SLC25A17: variants seen among roughly 807,000 people sequenced by gnomAD.
SLC25A17 encodes peroxisomal membrane protein PMP34.
Under a neutral mutation model 38.5 loss-of-function variants are expected in SLC25A17, and 26 were observed. The ratio of observed to expected loss-of-function variants is 0.68; its 90% CI spans 0.50 to 0.94. SLC25A17 has a LOEUF of 0.94. SLC25A17 is among the 40% of genes least tolerant of loss of function. The pLI, the probability that SLC25A17 is intolerant of heterozygous loss-of-function variation, is 0.00. For missense variants in SLC25A17, 333 were observed against 372.7 expected, an observed-to-expected ratio of 0.89 and a Z score of 0.88; for synonymous variants, 139 against 136.2, an observed-to-expected ratio of 1.02 and a Z score of -0.14.
intron 4 of SLC25A17, 103 bp from the exon 5 acceptor site, chr22:40,779,228 C>G: frequency 6.3e-7 from 1 of 1,579,498 alleles, no homozygotes; most frequent in Non-Finnish European, 8.6e-7. Context: ...ATCTCTGTCA[C>G]TGACCTCTTA....
At chr22:40,775,162 T>C (rs1205673198) in intron 7 of SLC25A17, among the ~76,000 whole-genome samples, 1 of 152,190 alleles carries the variant, frequency 6.6e-6, no homozygotes, top group African/African-American at 2.4e-5. Flanking sequence ...GTGCTGAGGA[T>C]AAAAATCTAC....
chr22:40,773,986 T>C lies in SLC25A17; in HGVS notation c.727A>G (p.Thr243Ala). 6.2e-7 allele frequency: 1 copy of C among 1,613,386 alleles called. No individual in the cohort carries two copies. The highest frequency in any genetic ancestry group is 8.5e-7 in the Non-Finnish European group (1 of 1,179,328). The change falls in exon 8 of 9, where the codon ACA becomes GCA. Residue 243 changes from threonine to alanine, a missense_variant. By Grantham distance (58) the Thr-to-Ala change is moderately conservative. Coordinates refer to ENST00000435456, the MANE Select transcript of SLC25A17 (RefSeq NM_006358.4). ...GRHRLNPENR[T>A]LGSLRNILYL... Reference sequence around the variant, plus strand: ...AGAATATTCCGAAGACTTCCCAATGTTCTGTTTTCTGGGTTTAGTCTATGA... The same window carrying C: ...AGAATATTCCGAAGACTTCCCAATGCTCTGTTTTCTGGGTTTAGTCTATGA...
chr22:40,799,085 T>G lies in SLC25A17; in HGVS notation c.55-2A>C, dbSNP rs199923219. On this transcript the variant is annotated splice_acceptor_variant, in intron 1 of 8. Transcript: ENST00000435456. LOFTEE classifies it high-confidence loss of function. ...CACTGTCATTGCTGTCACGCTTCCCTGAAAAGTTTGAAAAAGGCCATTACA... is the reference window on the plus strand; with the variant it reads ...CACTGTCATTGCTGTCACGCTTCCCGGAAAAGTTTGAAAAAGGCCATTACA... 1.9e-6 allele frequency: 3 copies of G among 1,612,448 alleles called. No homozygotes were observed. The highest frequency in any genetic ancestry group is 3.4e-5 in the Admixed American group (2 of 59,674).
chr22:40,799,038 T>A lies in SLC25A17; in HGVS notation c.100A>T (p.Arg34Ter). 6.2e-7 allele frequency: 1 copy of A among 1,612,930 alleles called. No individual in the cohort carries two copies. Among genetic ancestry groups the A allele is most frequent in the Non-Finnish European group, 8.5e-7 (1 of 1,178,994 alleles). The change falls in exon 2 of 9, where the codon AGA (arginine) becomes TGA (stop). Residue 34 changes from arginine (R) to a stop codon, truncating the protein, a stop_gained. Coordinates refer to ENST00000435456, the MANE Select transcript of SLC25A17 (RefSeq NM_006358.4). LOFTEE classifies it high-confidence loss of function. ...TTCTACTTACCCTGAAGTCGAAGTC[T>A]AGCTGTATCCAGGGGAAAAAACACT... ...MTVFFPLDTARLRLQVDEKRK... is the reference protein window; with the variant it reads ...MTVFFPLDTA
intron 7 of SLC25A17, among the ~76,000 whole-genome samples, chr22:40,774,387 C>T (rs1157464209): frequency 4.6e-5 from 7 of 152,144 alleles, no homozygotes; most frequent in Admixed American, 6.5e-5. Flanking sequence ...CCACGCCCGG[C>T]TAATTTTTGT....
chr22:40,791,550 A>G (rs2071409756), intron 4 of SLC25A17, among the ~76,000 whole-genome samples: 1 of 152,248 alleles, frequency 6.6e-6, no homozygotes, highest in African/African-American at 2.4e-5. Context: ...GAGCAAAAAA[A>G]TGTAATAACC....
chr22:40,798,660 T>TAAAAAAAAAAAAAAAAAAA (rs10640211), intron 2 of SLC25A17, among the ~76,000 whole-genome samples: 1 of 74,378 alleles, frequency 1.3e-5, no homozygotes, highest in Non-Finnish European at 2.5e-5. Flanking sequence ...CACACATACA[T>TAAAAAAAAAAAAAAAAAAA]AAAAAAAAAA....
chr22:40,813,047 A>C (rs1029911892), intron 1 of SLC25A17, among the ~76,000 whole-genome samples: 6 of 152,192 alleles, frequency 3.9e-5, no homozygotes, highest in African/African-American at 1.4e-4. Flanking sequence ...GCTAACTCAT[A>C]CATACACAGA....
Position 40,819,197 on chromosome 22 carries a change from C to A in SLC25A17, c.52G>T (p.Val18Leu), listed in dbSNP as rs780024696. ...ESLVHAVAGA[V>L]GSVTAMTVFF... Reference sequence around the variant, plus strand: ...CGGGCGTAAAGACCCCGTCTCACCACGGCTCCGGCCACGGCGTGGACCAGG... The same window carrying A: ...CGGGCGTAAAGACCCCGTCTCACCAAGGCTCCGGCCACGGCGTGGACCAGG... The change falls in exon 1 of 9, where the codon GTG becomes TTG. Residue 18 changes from valine to leucine, a missense_variant and splice_region_variant. By Grantham distance (32) the Val-to-Leu change is conservative (BLOSUM62 1). Coordinates refer to ENST00000435456, the MANE Select transcript of SLC25A17 (RefSeq NM_006358.4). 3.1e-6 allele frequency: 5 copies of A among 1,613,636 alleles called. No homozygotes were observed. In the African/African-American group the frequency reaches 5.3e-5, roughly 17 times the overall value.
intron 1 of SLC25A17, among the ~76,000 whole-genome samples, chr22:40,816,652 C>A (rs1170328365): frequency 6.7e-6 from 1 of 149,434 alleles, no homozygotes; most frequent in Non-Finnish European, 1.5e-5. Context: ...CTCTTGTCAC[C>A]CAGGCTGGAG....
intron 1 of SLC25A17, among the ~76,000 whole-genome samples, chr22:40,810,120 T>C (rs1027341172): frequency 7.2e-5 from 11 of 152,170 alleles, no homozygotes; most frequent in Non-Finnish European, 1.6e-4. Context: ...TAGGAATGTC[T>C]TTTGTTATAA....
chr22:40,775,857 G>T (rs555310282), intron 7 of SLC25A17, among the ~76,000 whole-genome samples: 1 of 152,170 alleles, frequency 6.6e-6, no homozygotes, highest in African/African-American at 2.4e-5. Flanking sequence ...CACCATGATT[G>T]TAAGTTTCCT....
At chr22:40,814,289 G>T (rs1046389578) in intron 1 of SLC25A17, among the ~76,000 whole-genome samples, 1 of 152,138 alleles carries the variant, frequency 6.6e-6, no homozygotes, top group Non-Finnish European at 1.5e-5. Context: ...GTGTCCAAAG[G>T]CTCTGCCCAC....
At chr22:40,793,750 T>C (rs2057403704) in intron 3 of SLC25A17, among the ~76,000 whole-genome samples, 1 of 152,162 alleles carries the variant, frequency 6.6e-6, no homozygotes. Flanking sequence ...GTAGCTGGGA[T>C]TGTAGGCATG....
chr22:40,815,784 T>C (rs2057633086), intron 1 of SLC25A17, among the ~76,000 whole-genome samples: 1 of 152,266 alleles, frequency 6.6e-6, no homozygotes, highest in African/African-American at 2.4e-5. Context: ...GAACCTTTTT[T>C]TTCAGCTATT....
intron 1 of SLC25A17, among the ~76,000 whole-genome samples, chr22:40,805,325 C>G (rs2057520440): frequency 6.6e-6 from 1 of 152,240 alleles, no homozygotes. Context: ...TACACTCTAG[C>G]CTGGGCAACA....
chr22:40,774,040 A>G lies in SLC25A17; in HGVS notation c.694-21T>C, dbSNP rs764379325. On this transcript the variant is annotated intron_variant, in intron 7 of 8. Coordinates refer to ENST00000435456, the MANE Select transcript of SLC25A17 (RefSeq NM_006358.4). ...CCAAACTGAGGAAAGAGGGAAAAAA[A>G]ACAAAAGTACTGTTGCTGTTTTTTA... 3.5e-5 allele frequency: 53 copies of G among 1,505,854 alleles called. 1 individual carries two copies. In the South Asian group the frequency reaches 5.7e-4, roughly 16 times the overall value. 93.3% of individuals were successfully genotyped at this position (1,505,854 alleles called of 1,614,324 possible).
At chr22:40,786,664 T>C (rs1461810544) in intron 4 of SLC25A17, among the ~76,000 whole-genome samples, 1 of 152,244 alleles carries the variant, frequency 6.6e-6, no homozygotes, top group East Asian at 1.9e-4. Context: ...CTCTTCTTTT[T>C]CCCCAAATAC....
rs71200615 is a variant in SLC25A17 at position 40,775,436 on chromosome 22, G to GTTTTTT, written c.694-1423_694-1418dup. ...TGAATAAGTCTCATGAGATCTGATG[G>GTTTTTT]TTTTTTTTTTTTTTTTTTTTTTTTT... On this transcript the variant is annotated intron_variant, in intron 7 of 8. Transcript: ENST00000435456. Among the ~76,000 whole-genome samples, 63 of 86,850 alleles carry GTTTTTT rather than the reference G, an allele frequency of 7.3e-4. 7 individuals are homozygous for GTTTTTT. Among genetic ancestry groups the GTTTTTT allele is most frequent in the East Asian group, 2.5e-3 (9 of 3,636 alleles). 57.0% of individuals were successfully genotyped at this position (86,850 alleles called of 152,430 possible). A position where few individuals can be genotyped will look rare whatever the true frequency, so the allele number is the denominator to read the frequency against.
Sources: gnomAD v4.1 joint callset for allele counts (sites outside exome capture counted in the v4.1 genomes callset) on GRCh38, gnomAD v4.1.1 for gene constraint, MANE v1.5 for transcripts, NCBI Gene and HGNC (gene_info 2026-07-23, HGNC 2026-07-21) for gene names.